ANO1: variants seen among roughly 807,000 people sequenced by gnomAD.
ANO1 encodes the protein anoctamin 1.
In ANO1, 59 loss-of-function variants were observed where a neutral mutation model predicts 124.0. That is an observed-to-expected ratio of 0.48 (90% CI 0.39 to 0.59). The LOEUF (loss-of-function observed/expected upper bound fraction) is 0.59, where lower values mean the gene tolerates loss of function less well. ANO1 is among the 20% of genes least tolerant of loss of function. ANO1 has a pLI of 0.00. For synonymous variants in ANO1, 529 were observed against 532.0 expected, an observed-to-expected ratio of 0.99 and a Z score of 0.08; for missense variants, 1,059 against 1,328.0, an observed-to-expected ratio of 0.80 and a Z score of 3.15.
chr11:69,972,681 C>T, the ANO1 span, among the ~76,000 whole-genome samples: 5 of 152,124 alleles, frequency 3.3e-5, no homozygotes, highest in East Asian at 9.7e-4. Flanking sequence ...GTTCACAACC[C>T]TAAGAAGACT....
rs768283700 is a variant in ANO1 at position 70,087,927 on chromosome 11, T to G, written c.284T>G (p.Val95Gly). 8.1e-6 allele frequency: 13 copies of G among 1,607,524 alleles called. No individual in the cohort carries two copies. In the Admixed American group the frequency reaches 1.7e-4, roughly 21 times the overall value. ...HSDTPSGARS[V>G]KQDHPLPGKG... ...GACACCCCCTCTGGGGCTCGCAGCG[T>G]CAAGCAGGACCACCCCCTGCCGGGC... is the stretch of plus-strand genomic sequence containing the variant. The change falls in exon 2 of 26, where the codon GTC (valine) becomes GGC (glycine). Residue 95 changes from valine to glycine, a missense_variant. Around this residue, in one of 2 missense-constraint regions of ANO1, gnomAD observed 250 missense variants for 233.1 expected, o/e 1.07. Transcript: ENST00000355303.
At chr11:70,010,179 G>GTATGTGTGTATGTA (rs1188271051) in intron 1 of ANO1, among the ~76,000 whole-genome samples, 1 of 83,776 alleles carries the variant, frequency 1.2e-5, no homozygotes, top group African/African-American at 4.7e-5. Flanking sequence ...GTGTGTGTGT[G>GTATGTGTGTATGTA]TATATATATA....
intron 14 of ANO1, among the ~76,000 whole-genome samples, chr11:70,155,640 G>C (rs1252844097): frequency 6.6e-6 from 1 of 152,206 alleles, no homozygotes; most frequent in Non-Finnish European, 1.5e-5. Flanking sequence ...CTGTGAGATG[G>C]GGCATGACGC....
At chr11:70,156,196 G>A (rs995347051) in intron 15 of ANO1, among the ~76,000 whole-genome samples, 2 of 151,872 alleles carry the variant, frequency 1.3e-5, no homozygotes, top group African/African-American at 2.4e-5. Flanking sequence ...GGACGGGGGT[G>A]GGGCTCTGGC....
intron 14 of ANO1, 78 bp downstream of exon 14, chr11:70,153,206 C>T: frequency 7.6e-7 from 1 of 1,317,072 alleles, no homozygotes; most frequent in Non-Finnish European, 1.1e-6. Flanking sequence ...GGGATCAGCC[C>T]AGAGAACAAA....
chr11:70,014,175 A>G lies in ANO1; in HGVS notation c.58+28009A>G, dbSNP rs190779312. Among the ~76,000 whole-genome samples, 37 of 152,130 alleles carry G rather than the reference A, an allele frequency of 2.4e-4. 1 individual carries two copies. The East Asian group carries it at 7.0e-3, about 29-fold the overall frequency. ...GTTTTAACATATCAACTGGGGGGGA[A>G]GCACAATTCACTCCTTAGGAGCTCA... On this transcript the variant is annotated intron_variant, in intron 1 of 27. Transcript: ENST00000531349.
chr11:69,979,034 G>T, the ANO1 span, among the ~76,000 whole-genome samples: 12 of 152,136 alleles, frequency 7.9e-5, no homozygotes, highest in Admixed American at 7.2e-4. Flanking sequence ...AAACTCGAGC[G>T]ATGCGGGCAA....
the ANO1 span, among the ~76,000 whole-genome samples, chr11:69,967,493 C>T: frequency 2.0e-5 from 3 of 152,258 alleles, no homozygotes; most frequent in Non-Finnish European, 4.4e-5. Flanking sequence ...TCTTCATGAG[C>T]TGGGCCACCC....
chr11:70,184,927 T>G (rs150793650), intron 24 of ANO1, among the ~76,000 whole-genome samples: 184 of 152,246 alleles, frequency 1.2e-3, no homozygotes, highest in Admixed American at 3.5e-3. Flanking sequence ...TTGTATTTTT[T>G]GCAGAGACAG....
chr11:70,059,809 G>A (rs1260361301), intron 1 of ANO1, among the ~76,000 whole-genome samples: 22 of 152,282 alleles, frequency 1.4e-4, no homozygotes, highest in East Asian at 1.9e-4. Flanking sequence ...TTCCATGATC[G>A]AAGGACCACT....
chr11:70,123,227 G>A (rs1166305322), intron 8 of ANO1, among the ~76,000 whole-genome samples: 2 of 152,196 alleles, frequency 1.3e-5, no homozygotes, highest in African/African-American at 4.8e-5. Flanking sequence ...TTAGCTGCAG[G>A]TGAGGCTGGT....
At chr11:70,083,742 T>C (rs533742112) in intron 1 of ANO1, among the ~76,000 whole-genome samples, 1 of 152,206 alleles carries the variant, frequency 6.6e-6, no homozygotes, top group African/African-American at 2.4e-5. Context: ...AACCAGGTTC[T>C]CAGTCCCTGT....
At chr11:70,143,423 T>G (rs1326310904) in intron 11 of ANO1, among the ~76,000 whole-genome samples, 1 of 152,040 alleles carries the variant, frequency 6.6e-6, no homozygotes, top group African/African-American at 2.4e-5. Context: ...GACATTGGCA[T>G]AAGTTGAGGC....
chr11:70,068,781 G>A (rs892431718), intron 1 of ANO1, among the ~76,000 whole-genome samples: 2 of 152,194 alleles, frequency 1.3e-5, no homozygotes, highest in African/African-American at 4.8e-5. Flanking sequence ...GTGGGAAGGC[G>A]GGTAGGGGCA....
At chr11:70,111,615 T>C (rs1269037353) in intron 6 of ANO1, 92 bp from the exon 7 acceptor site, 1 of 1,247,806 alleles carries the variant, frequency 8.0e-7, no homozygotes, top group Non-Finnish European at 1.2e-6. Flanking sequence ...AAGCTCTTAG[T>C]GGCTGAGATG....
chr11:69,969,518 G>T, the ANO1 span, among the ~76,000 whole-genome samples: 1 of 152,168 alleles, frequency 6.6e-6, no homozygotes, highest in Admixed American at 6.5e-5. Context: ...TCTGGCTACT[G>T]CCCCCGTCTC....
Position 70,167,359 on chromosome 11 carries a change from G to T in ANO1, c.2169G>T (p.Ala723=). 1.2e-6 allele frequency: 2 copies of T among 1,613,020 alleles called. No individual in the cohort carries two copies. Among genetic ancestry groups the T allele is most frequent in the East Asian group, 2.2e-5 (1 of 44,840 alleles). Residue 723 remains alanine, a synonymous_variant, in exon 21 of 26, where the codon GCG becomes GCT. Transcript: ENST00000355303. Reference sequence around the variant, plus strand: ...TGGATTACAACCTGGAGCCCTTCGCGGGCCTCACCCCAGAGTACATGGAAA... The same window carrying T: ...TGGATTACAACCTGGAGCCCTTCGCTGGCCTCACCCCAGAGTACATGGAAA... The part of the protein sequence containing the change: ...YEVDYNLEPF[A]GLTPEYMEMI...
intron 12 of ANO1, 138 bp downstream of exon 12, chr11:70,149,930 CCCA>C: frequency 2.3e-6 from 2 of 878,852 alleles, no homozygotes; most frequent in Middle Eastern, 3.2e-4. Flanking sequence ...CCCCCCATCC[CCCA>C]CCCCCTGCCT....
At chr11:70,011,296 T>C (rs1047200075) in intron 1 of ANO1, among the ~76,000 whole-genome samples, 2 of 152,122 alleles carry the variant, frequency 1.3e-5, no homozygotes, top group South Asian at 4.1e-4. Context: ...GGAAGTGTCC[T>C]TCAGCAGTTA....
Sources: allele counts gnomAD v4.1 joint callset (sites outside exome capture counted in the v4.1 genomes callset), GRCh38; gene constraint gnomAD v4.1.1; regional missense constraint gnomAD v4.1.1; transcripts MANE v1.5; gene names NCBI Gene and HGNC (gene_info 2026-07-23, HGNC 2026-07-21).